The following CPED1 variants were observed in gnomAD, a reference collection of about 807,000 sequenced individuals.
CPED1 encodes cadherin like and PC-esterase domain containing 1.
CPED1 carries 114 observed loss-of-function variants against 128.2 expected under a neutral mutation model. That is an observed-to-expected ratio of 0.89 (90% CI 0.76 to 1.04). The LOEUF is 1.04. CPED1 is among the 50% of genes least tolerant of loss of function. CPED1 has a pLI of 0.00. For missense variants in CPED1, 1,211 were observed against 1,207.1 expected (o/e 1.00, Z -0.05); for synonymous variants, 462 against 426.7 (o/e 1.08, Z -1.02).
chr7:121,014,779 C>A (rs1389994763), intron 2 of CPED1, among the ~76,000 whole-genome samples: 1 of 152,068 alleles, frequency 6.6e-6, no homozygotes, highest in Admixed American at 6.6e-5. Flanking sequence ...ATCTTCTCCA[C>A]CACCTCCTTT....
At chr7:121,201,484 C>CAGAGAG (rs368768002) in intron 16 of CPED1, among the ~76,000 whole-genome samples, 1 of 140,996 alleles carries the variant, frequency 7.1e-6, no homozygotes, top group Non-Finnish European at 1.5e-5. Flanking sequence ...GAGTGAGAGA[C>CAGAGAG]AGAGAGAGAG....
At chr7:121,222,167 T>TACATGTAGCTAGCCAGTTTTCC (rs1383117838) in intron 16 of CPED1, among the ~76,000 whole-genome samples, 1 of 152,234 alleles carries the variant, frequency 6.6e-6, no homozygotes, top group Non-Finnish European at 1.5e-5. Context: ...TTCAGCTTTC[T>TACATGTAGCTAGCCAGTTTTCC]ACATGTAGCT....
chr7:121,106,328 TTATA>T (rs1054659632), intron 7 of CPED1, among the ~76,000 whole-genome samples: 4 of 151,918 alleles, frequency 2.6e-5, no homozygotes, highest in African/African-American at 9.7e-5. Flanking sequence ...ATATAATGCT[TTATA>T]TAGGTATACA....
At chr7:121,190,361 C>T (rs1197028536) in intron 16 of CPED1, among the ~76,000 whole-genome samples, 1 of 136,352 alleles carries the variant, frequency 7.3e-6, no homozygotes, top group African/African-American at 2.7e-5. Context: ...CACTGTACTC[C>T]AGCCTAGGTG....
intron 16 of CPED1, among the ~76,000 whole-genome samples, chr7:121,217,611 G>A (rs1797786200): frequency 6.6e-6 from 1 of 151,884 alleles, no homozygotes; most frequent in Non-Finnish European, 1.5e-5. Context: ...AAGTTTTGGG[G>A]GTATTCATGA....
At chr7:121,121,996 C>T (rs1266315547) in intron 7 of CPED1, among the ~76,000 whole-genome samples, 1 of 152,080 alleles carries the variant, frequency 6.6e-6, no homozygotes, top group Admixed American at 6.6e-5. Flanking sequence ...AAAAGTTGTG[C>T]CTTCTTTTGG....
chr7:121,131,822 T>C (rs1472372785), intron 12 of CPED1, among the ~76,000 whole-genome samples: 2 of 152,090 alleles, frequency 1.3e-5, no homozygotes, highest in African/African-American at 2.4e-5. Context: ...GAACTATGTA[T>C]ATTTCAGTAT....
chr7:121,065,865 A>G (rs1001583291), intron 5 of CPED1, among the ~76,000 whole-genome samples: 1 of 152,118 alleles, frequency 6.6e-6, no homozygotes, highest in African/African-American at 2.4e-5. Flanking sequence ...AGTTTCACAG[A>G]ATGCACAGCT....
At chr7:121,223,091 T>A (rs561580287) in intron 16 of CPED1, among the ~76,000 whole-genome samples, 9 of 152,284 alleles carry the variant, frequency 5.9e-5, no homozygotes, top group Non-Finnish European at 1.3e-4. Context: ...TGGCTGTGGG[T>A]TTGTGATAAA....
intron 2 of CPED1, among the ~76,000 whole-genome samples, chr7:121,001,758 T>G (rs1791866651): frequency 6.6e-6 from 1 of 152,126 alleles, no homozygotes; most frequent in South Asian, 2.1e-4. Context: ...AATGAAGAGT[T>G]GAGTGACCAT....
intron 4 of CPED1, among the ~76,000 whole-genome samples, chr7:121,053,465 T>C (rs1585042214): frequency 6.6e-6 from 1 of 152,356 alleles, no homozygotes. Context: ...CCCTTCTCAG[T>C]GTAAAATATC....
intron 16 of CPED1, among the ~76,000 whole-genome samples, chr7:121,159,702 A>G (rs1304656943): frequency 6.6e-6 from 1 of 152,150 alleles, no homozygotes; most frequent in Non-Finnish European, 1.5e-5. Context: ...TAAAAACTCT[A>G]CAATTAGCTA....
At chr7:121,236,161 G>A (rs1202464899) in intron 16 of CPED1, among the ~76,000 whole-genome samples, 1 of 152,140 alleles carries the variant, frequency 6.6e-6, no homozygotes, top group African/African-American at 2.4e-5. Flanking sequence ...TTCTACATCT[G>A]TCAGACTATT....
chr7:121,006,387 G>C (rs1453129446), intron 2 of CPED1, among the ~76,000 whole-genome samples: 1 of 152,074 alleles, frequency 6.6e-6, no homozygotes, highest in African/African-American at 2.4e-5. Context: ...CAGCTGGAGA[G>C]CATTTACTTT....
chr7:120,995,026 C>T (rs1334664432), intron 2 of CPED1, among the ~76,000 whole-genome samples: 2 of 152,050 alleles, frequency 1.3e-5, no homozygotes, highest in African/African-American at 2.4e-5. Flanking sequence ...TATAATATTG[C>T]CAATTCCAAA....
At chr7:121,037,313 G>A (rs1169003354) in intron 3 of CPED1, among the ~76,000 whole-genome samples, 1 of 152,120 alleles carries the variant, frequency 6.6e-6, no homozygotes, top group Admixed American at 6.6e-5. Flanking sequence ...GTTGATTTTT[G>A]TATAAGGTGA....
At chr7:121,081,398 T>C (rs990018473) in intron 5 of CPED1, among the ~76,000 whole-genome samples, 2 of 152,180 alleles carry the variant, frequency 1.3e-5, no homozygotes, top group Admixed American at 6.5e-5. Context: ...GGGTTGGGTG[T>C]GCTCCTTTCT....
At chr7:121,041,862 C>T (rs998314809) in intron 3 of CPED1, among the ~76,000 whole-genome samples, 52 of 152,140 alleles carry the variant, frequency 3.4e-4, no homozygotes, top group Non-Finnish European at 7.4e-5. Context: ...TGGACCCTGA[C>T]GTCTCCTTCC....
chr7:121,017,776 G>C (rs1474716141), intron 3 of CPED1, among the ~76,000 whole-genome samples: 2 of 152,136 alleles, frequency 1.3e-5, no homozygotes, highest in Non-Finnish European at 2.9e-5. Context: ...CCACAAAAAG[G>C]AGAATTACTC....
Sources: allele counts gnomAD v4.1 joint callset (sites outside exome capture counted in the v4.1 genomes callset), GRCh38; gene constraint gnomAD v4.1.1; transcripts MANE v1.5; gene names NCBI Gene and HGNC (gene_info 2026-07-23, HGNC 2026-07-21).